DYNLT3: variants seen among roughly 807,000 people sequenced by gnomAD.
DYNLT3 encodes the protein protein 91/23.
Under a neutral mutation model 11.0 loss-of-function variants are expected in DYNLT3, and 4 were observed. The ratio of observed to expected loss-of-function variants is 0.36; its 90% CI spans 0.18 to 0.83. DYNLT3 has a LOEUF of 0.83. Ranked by LOEUF, DYNLT3 falls within the 40% of genes least tolerant of loss-of-function variation. The pLI, the probability that DYNLT3 is intolerant of heterozygous loss-of-function variation, is 0.47. For synonymous variants in DYNLT3, 37 were observed against 31.2 expected, an observed-to-expected ratio of 1.18 and a Z score of -0.61; for missense variants, 91 against 91.1, an observed-to-expected ratio of 1.00 and a Z score of 0.01.
At chrX:37,845,417 T>C (rs905949543) in intron 2 of DYNLT3, among the ~76,000 whole-genome samples, 2 of 112,141 alleles carry the variant, frequency 1.8e-5, no homozygotes, top group African/African-American at 6.5e-5. Flanking sequence ...CAGAATTAAT[T>C]CCCAAAGGTA....
intron 1 of DYNLT3, 103 bp downstream of exon 1, chrX:37,847,378 C>T (rs1432003445): frequency 5.1e-6 from 5 of 986,195 alleles, no homozygotes; most frequent in Admixed American, 4.9e-5. Flanking sequence ...GGACGCCGCA[C>T]CCCAACTCTT....
chrX:37,845,431 T>A (rs2146836087), intron 2 of DYNLT3, among the ~76,000 whole-genome samples: 1 of 112,368 alleles, frequency 8.9e-6, no homozygotes, highest in East Asian at 2.8e-4. Context: ...AAAGGTAATT[T>A]CTTTTCTATT....
Position 37,839,489 on chromosome X carries a change from G to A in DYNLT3, c.*1086C>T, listed in dbSNP as rs1442551362. The A allele has an allele frequency of 3.6e-5, 4 of 112,123 alleles. No homozygotes were observed. The highest frequency in any genetic ancestry group is 7.5e-5 in the Non-Finnish European group (4 of 53,100). 9.2% of individuals were successfully genotyped at this position (112,123 alleles called of 1,213,427 possible). A position where few individuals can be genotyped will look rare whatever the true frequency, so the allele number is the denominator to read the frequency against. ...AAGTCTTTTAAGTTATTTACAGATGGTTGTAACTAAAGCAATGACAAAATT... is the reference window on the plus strand; with the variant it reads ...AAGTCTTTTAAGTTATTTACAGATGATTGTAACTAAAGCAATGACAAAATT... On this transcript the variant is annotated 3_prime_UTR_variant, in exon 5 of 5. Coordinates refer to ENST00000378578, the MANE Select transcript of DYNLT3 (RefSeq NM_006520.3).
Position 37,839,169 on chromosome X carries a change from A to C in DYNLT3, c.*1406T>G, listed in dbSNP as rs12849. On this transcript the variant is annotated 3_prime_UTR_variant, in exon 5 of 5. Transcript: ENST00000378578. ...CAAACATGCACATAGTATTCCTACA[A>C]GAATATTGCCTTAATATTGTCAATA... 1 of 111,294 alleles carries C rather than the reference A, an allele frequency of 9.0e-6. No homozygotes were observed. Among genetic ancestry groups the C allele is most frequent in the Non-Finnish European group, 1.9e-5 (1 of 52,930 alleles). The allele number at this position is 111,294 out of a possible 1,213,427, so 9.2% of individuals were successfully genotyped here.
intron 3 of DYNLT3, 104 bp downstream of exon 3, chrX:37,841,678 A>G (rs964645401): frequency 2.3e-6 from 2 of 856,884 alleles, no homozygotes; most frequent in Admixed American, 3.7e-5. Context: ...ATACCCTTTT[A>G]GTATCCAACT....
chrX:37,845,900 G>C (rs958243459), intron 2 of DYNLT3, among the ~76,000 whole-genome samples: 1 of 112,552 alleles, frequency 8.9e-6, no homozygotes, highest in Non-Finnish European at 1.9e-5. Context: ...GCCGGGTGTG[G>C]TGGTTCACGC....
At chrX:37,846,648 T>C (rs144291298) in intron 1 of DYNLT3, among the ~76,000 whole-genome samples, 1,523 of 111,460 alleles carry the variant, frequency 0.014, 10 homozygotes, top group Non-Finnish European at 0.022. Context: ...TTGTAAAACG[T>C]AGGAAATAAG....
At position 37,839,816 on chromosome X, in the gene DYNLT3, A is replaced by G. The variant is rs1299501791; in HGVS notation, c.*759T>C. ...GACAACTATGGTGCTTAGCAGAGAC[A>G]TATGCCCATAATAGGCATCTGATAA... On this transcript the variant is annotated 3_prime_UTR_variant, in exon 5 of 5. Transcript: ENST00000378578. 1 of 112,556 alleles carries G rather than the reference A, an allele frequency of 8.9e-6. No individual in the cohort carries two copies. Among genetic ancestry groups the G allele is most frequent in the African/African-American group, 3.2e-5 (1 of 30,920 alleles). The allele number at this position is 112,556 out of a possible 1,213,427, so 9.3% of individuals were successfully genotyped here. A position where few individuals can be genotyped will look rare whatever the true frequency, so the allele number is the denominator to read the frequency against.
chrX:37,843,518 T>C (rs1930210186), intron 2 of DYNLT3, among the ~76,000 whole-genome samples: 1 of 112,226 alleles, frequency 8.9e-6, no homozygotes, highest in African/African-American at 3.2e-5. Flanking sequence ...AGTGCTAAAC[T>C]CAGGACCTGG....
intron 2 of DYNLT3, among the ~76,000 whole-genome samples, chrX:37,843,047 T>A (rs887112421): frequency 1.2e-4 from 13 of 112,193 alleles, no homozygotes; most frequent in Non-Finnish European, 2.3e-4. Flanking sequence ...ATGAAGGCAC[T>A]AATACAAAAT....
intron 2 of DYNLT3, among the ~76,000 whole-genome samples, chrX:37,843,053 A>T (rs182940113): frequency 8.9e-6 from 1 of 112,374 alleles, no homozygotes; most frequent in Admixed American, 9.4e-5. Flanking sequence ...GCACTAATAC[A>T]AAATCTTAAG....
chrX:37,841,512 T>C (rs1930158513), intron 3 of DYNLT3, among the ~76,000 whole-genome samples: 1 of 110,716 alleles, frequency 9.0e-6, no homozygotes, highest in African/African-American at 3.3e-5. Flanking sequence ...ACAGTTGAGC[T>C]AAGGGGGGGT....
chrX:37,842,089 TGAAA>T (rs1930178326), intron 2 of DYNLT3, among the ~76,000 whole-genome samples, 184 bp from the exon 3 acceptor site: 1 of 112,129 alleles, frequency 8.9e-6, no homozygotes, highest in East Asian at 2.8e-4. Context: ...TTAAGAGTTT[TGAAA>T]GAGTTTCCAC....
chrX:37,847,076 G>A (rs1355264003), intron 1 of DYNLT3: 5 of 1,163,899 alleles, frequency 4.3e-6, no homozygotes, highest in Non-Finnish European at 5.7e-6. Context: ...CCAGGACCCC[G>A]AGACTCCGAG....
rs1418794457 is a variant in DYNLT3 at position 37,841,771 on chromosome X, C to T, written c.196+11G>A. On this transcript the variant is annotated intron_variant, in intron 3 of 4. Coordinates refer to ENST00000378578, the MANE Select transcript of DYNLT3 (RefSeq NM_006520.3). ...GCAAGTGAACTAGTGAGGAAGGATA[C>T]TGATACTTACCAATATATTTATAGG... 1 of 1,156,440 alleles carries T rather than the reference C, an allele frequency of 8.6e-7. No individual in the cohort carries two copies. The highest frequency in any genetic ancestry group is 1.2e-6 in the Non-Finnish European group (1 of 859,379).
At chrX:37,846,450 T>A in intron 1 of DYNLT3, 92 bp from the exon 2 acceptor site, 1 of 880,871 alleles carries the variant, frequency 1.1e-6, no homozygotes, top group Non-Finnish European at 1.6e-6. Flanking sequence ...AGACAGGTGT[T>A]AAAGTGTTAA....
chrX:37,847,137 A>C (rs898411873), intron 1 of DYNLT3: 1 of 1,150,520 alleles, frequency 8.7e-7, no homozygotes. Flanking sequence ...CGGAGGCAGC[A>C]GCGGGAAGAC....
At chrX:37,844,453 G>A (rs1435663525) in intron 2 of DYNLT3, among the ~76,000 whole-genome samples, 3 of 112,062 alleles carry the variant, frequency 2.7e-5, no homozygotes. Context: ...CCTGATTTAT[G>A]AATTATAGGC....
At position 37,847,558 on chromosome X, in the gene DYNLT3, C is replaced by A; in HGVS notation, c.-48G>T. The stretch of plus-strand genomic sequence containing the variant: ...GCGGAGCGACACGCCGGTAGAGCAC[C>A]GCGGCCGCGCACTGGCCTCCGGGGA... On this transcript the variant is annotated 5_prime_UTR_variant, in exon 1 of 5. Coordinates refer to ENST00000378578, the MANE Select transcript of DYNLT3 (RefSeq NM_006520.3). The A allele has an allele frequency of 1.0e-6, 1 of 957,458 alleles. No homozygotes were observed. Among genetic ancestry groups the A allele is most frequent in the Non-Finnish European group, 1.3e-6 (1 of 762,090 alleles). 78.9% of individuals were successfully genotyped at this position (957,458 alleles called of 1,213,427 possible). A position where few individuals can be genotyped will look rare whatever the true frequency, so the allele number is the denominator to read the frequency against.
Sources: gnomAD v4.1 joint callset for allele counts (sites outside exome capture counted in the v4.1 genomes callset) on GRCh38, gnomAD v4.1.1 for gene constraint, MANE v1.5 for transcripts, NCBI Gene and HGNC (gene_info 2026-07-23, HGNC 2026-07-21) for gene names.